DLGAP1: variants seen among roughly 807,000 people sequenced by gnomAD.
The protein encoded by DLGAP1 is DLG associated protein 1, also known as disks large-associated protein 1.
In DLGAP1, 11 loss-of-function variants were observed where a neutral mutation model predicts 90.8. The ratio of observed to expected loss-of-function variants is 0.12; its 90% CI spans 0.08 to 0.20. The LOEUF is 0.20. Among genes scored for constraint, DLGAP1 ranks in the 10% least tolerant of loss-of-function variants. DLGAP1 has a pLI of 1.00. For missense variants in DLGAP1, 1,050 were observed against 1,333.8 expected, an observed-to-expected ratio of 0.79 and a Z score of 3.31; for synonymous variants, 558 against 540.7, an observed-to-expected ratio of 1.03 and a Z score of -0.44.
intron 2 of DLGAP1, among the ~76,000 whole-genome samples, chr18:4,047,862 C>T (rs1306795372): frequency 6.6e-6 from 1 of 152,144 alleles, no homozygotes; most frequent in Non-Finnish European, 1.5e-5. Context: ...GTGGTTTGGT[C>T]ATAACTCACT....
chr18:4,079,615 C>G (rs190594473), intron 2 of DLGAP1, among the ~76,000 whole-genome samples: 147 of 151,818 alleles, frequency 9.7e-4, no homozygotes, highest in Middle Eastern at 6.8e-3. Context: ...AGGTGCACCA[C>G]AATCTCAGAC....
chr18:4,142,079 T>C (rs1339297431), intron 2 of DLGAP1, among the ~76,000 whole-genome samples: 1 of 152,166 alleles, frequency 6.6e-6, no homozygotes, highest in Admixed American at 6.5e-5. Flanking sequence ...CTTATTGTAG[T>C]CTTCACAGTC....
chr18:3,861,110 C>T (rs1455170516), intron 4 of DLGAP1, among the ~76,000 whole-genome samples: 1 of 152,088 alleles, frequency 6.6e-6, no homozygotes, highest in Non-Finnish European at 1.5e-5. Context: ...CTATCAACTT[C>T]GACGCTTATA....
intron 2 of DLGAP1, among the ~76,000 whole-genome samples, chr18:4,122,782 T>C (rs932817188): frequency 6.6e-6 from 1 of 152,198 alleles, no homozygotes; most frequent in Non-Finnish European, 1.5e-5. Flanking sequence ...AGACTTTGTC[T>C]ACTCCTTGGA....
chr18:4,211,728 T>A (rs972142212), intron 1 of DLGAP1, among the ~76,000 whole-genome samples: 3 of 152,034 alleles, frequency 2.0e-5, no homozygotes, highest in Non-Finnish European at 4.4e-5. Context: ...TTTTCCTTAG[T>A]CTCTCGAGAC....
At chr18:4,410,178 TAA>T (rs2082746388) in intron 1 of DLGAP1, among the ~76,000 whole-genome samples, 1 of 152,120 alleles carries the variant, frequency 6.6e-6, no homozygotes, top group Admixed American at 6.6e-5. Context: ...GGGCAAAGGA[TAA>T]AAGACAACAA....
chr18:4,025,329 T>G (rs1158841158), intron 2 of DLGAP1, among the ~76,000 whole-genome samples: 2 of 151,962 alleles, frequency 1.3e-5, no homozygotes, highest in Non-Finnish European at 2.9e-5. Context: ...GAGCATTTTT[T>G]TTTTGAGTGT....
intron 7 of DLGAP1, among the ~76,000 whole-genome samples, chr18:3,688,417 C>T (rs2060775936): frequency 1.3e-5 from 2 of 151,970 alleles, no homozygotes; most frequent in South Asian, 4.2e-4. Flanking sequence ...AGGGATGCAA[C>T]CCTTGAGGCA....
intron 2 of DLGAP1, among the ~76,000 whole-genome samples, chr18:4,116,217 T>C (rs1568405456): frequency 6.6e-6 from 1 of 152,210 alleles, no homozygotes; most frequent in Admixed American, 6.5e-5. Context: ...ATATTTCTAA[T>C]AAGAAGACAA....
At chr18:4,220,326 AT>A (rs2078049196) in intron 1 of DLGAP1, among the ~76,000 whole-genome samples, 2 of 152,028 alleles carry the variant, frequency 1.3e-5, no homozygotes, top group Non-Finnish European at 2.9e-5. Context: ...ATGGCTCATA[AT>A]TTCATTAAGA....
chr18:4,216,975 G>A (rs942036185), intron 1 of DLGAP1, among the ~76,000 whole-genome samples: 2 of 152,026 alleles, frequency 1.3e-5, no homozygotes, highest in African/African-American at 4.8e-5. Context: ...TGTATCCATT[G>A]TTACAGTATC....
At chr18:4,035,338 C>T (rs2074871196) in intron 2 of DLGAP1, among the ~76,000 whole-genome samples, 1 of 152,040 alleles carries the variant, frequency 6.6e-6, no homozygotes, top group Admixed American at 6.5e-5. Flanking sequence ...CAGAACAAGA[C>T]CTTGTCTCAA....
At chr18:4,027,681 T>C (rs1427301321) in intron 2 of DLGAP1, among the ~76,000 whole-genome samples, 1 of 152,174 alleles carries the variant, frequency 6.6e-6, no homozygotes, top group African/African-American at 2.4e-5. Flanking sequence ...TTCCATCATT[T>C]ATGTTAACAC....
chr18:4,323,030 A>G (rs1243384634), intron 1 of DLGAP1, among the ~76,000 whole-genome samples: 1 of 152,056 alleles, frequency 6.6e-6, no homozygotes, highest in Non-Finnish European at 1.5e-5. Context: ...GATTGGGAGA[A>G]AATATTTGCA....
At chr18:4,030,031 C>T (rs2074769036) in intron 2 of DLGAP1, among the ~76,000 whole-genome samples, 2 of 152,276 alleles carry the variant, frequency 1.3e-5, no homozygotes, top group South Asian at 2.1e-4. Flanking sequence ...CTCGCTCTGT[C>T]ACCCAGGCTG....
At chr18:4,086,453 T>C (rs1568387765) in intron 2 of DLGAP1, among the ~76,000 whole-genome samples, 1 of 152,222 alleles carries the variant, frequency 6.6e-6, no homozygotes, top group South Asian at 2.1e-4. Flanking sequence ...CTATAAATTT[T>C]CCTACAAGCA....
intron 2 of DLGAP1, among the ~76,000 whole-genome samples, chr18:4,037,831 A>C (rs1465172637): frequency 6.6e-6 from 1 of 152,146 alleles, no homozygotes; most frequent in Non-Finnish European, 1.5e-5. Flanking sequence ...ATCTTGGTGC[A>C]TGCCTGTTGT....
At chr18:3,523,740 T>G (rs1413445913) in intron 10 of DLGAP1, among the ~76,000 whole-genome samples, 2 of 149,672 alleles carry the variant, frequency 1.3e-5, no homozygotes, top group Admixed American at 1.3e-4. Flanking sequence ...CCAGCTACAC[T>G]GGGAGGCTGA....
rs886384918 is a variant in DLGAP1 at position 3,660,196 on chromosome 18, T to TGG, written c.1591+68937_1591+68938dup. ...TTTTATTTTTTAAAAGGATTGGGGG[T>TGG]GGGGGTCTCACTTTGTTGGCCAGCC... On this transcript the variant is annotated intron_variant, in intron 7 of 12. Transcript: ENST00000315677. The surrounding 1 kb of genome is among the most constrained non-coding windows in gnomAD (Gnocchi z 4.2). Among the ~76,000 whole-genome samples the TGG allele has an allele frequency of 6.6e-5, 10 of 152,176 alleles. No individual in the cohort carries two copies. Among genetic ancestry groups the TGG allele is most frequent in the African/African-American group, 2.4e-4 (10 of 41,532 alleles).
Sources: allele counts gnomAD v4.1 joint callset (sites outside exome capture counted in the v4.1 genomes callset), GRCh38; gene constraint gnomAD v4.1.1; non-coding constraint Gnocchi (gnomAD v3.1); transcripts MANE v1.5; gene names NCBI Gene and HGNC (gene_info 2026-07-23, HGNC 2026-07-21).